ABCA4: variants seen among roughly 807,000 people sequenced by gnomAD.
ABCA4 encodes the protein ATP binding cassette subfamily A member 4.
Under a neutral mutation model 263.7 loss-of-function variants are expected in ABCA4, and 196 were observed. The ratio of observed to expected loss-of-function variants is 0.74; its 90% CI spans 0.66 to 0.84. The LOEUF (loss-of-function observed/expected upper bound fraction) is 0.84, where lower values mean the gene tolerates loss of function less well. ABCA4 is among the 40% of genes least tolerant of loss of function. The pLI, the probability that ABCA4 is intolerant of heterozygous loss-of-function variation, is 0.00. For synonymous variants in ABCA4, 1,133 were observed against 1,094.2 expected (o/e 1.04, Z -0.70); for missense variants, 2,792 against 2,855.1 (o/e 0.98, Z 0.50).
intron 42 of ABCA4, 35 bp downstream of exon 42, chr1:94,008,200 G>C: frequency 6.2e-7 from 1 of 1,604,792 alleles, no homozygotes; most frequent in Admixed American, 1.7e-5. Flanking sequence ...GCTGATGTTC[G>C]GAAGCCTTTC....
intron 11 of ABCA4, among the ~76,000 whole-genome samples, chr1:94,077,030 A>G (rs576609910): frequency 6.6e-6 from 1 of 152,354 alleles, no homozygotes; most frequent in East Asian, 1.9e-4. Context: ...CAAATTGGCA[A>G]TGATAATGGT....
At chr1:94,109,615 T>C (rs3827712) in intron 3 of ABCA4, among the ~76,000 whole-genome samples, 50,325 of 152,038 alleles carry the variant, frequency 0.33, 9,295 homozygotes, top group Admixed American at 0.43. Flanking sequence ...CAGGGGAGAC[T>C]GGTCCATGGA....
chr1:94,021,925 T>C lies in ABCA4; in HGVS notation c.4694A>G (p.Lys1565Arg), dbSNP rs1221076968. The C allele has an allele frequency of 1.9e-6, 3 of 1,614,026 alleles. No individual in the cohort carries two copies. The highest frequency in any genetic ancestry group is 2.5e-6 in the Non-Finnish European group (3 of 1,180,032). ...CCCCGTGATGGGGACGACTGGGAGC[T>C]TTCCTCCAATGGAAATTCCTCCATA... ...QRYGGISIGG[K>R]LPVVPITGEA... The change falls in exon 33 of 50, where the codon AAG becomes AGG. Residue 1565 changes from lysine to arginine, a missense_variant. Transcript: ENST00000370225.
At chr1:94,025,445 C>G (rs1350142848) in intron 30 of ABCA4, 1 of 336,226 alleles carries the variant, frequency 3.0e-6, no homozygotes, top group Non-Finnish European at 5.7e-6. Context: ...AATGTAAACC[C>G]GAGCACCTCA....
intron 7 of ABCA4, among the ~76,000 whole-genome samples, chr1:94,082,539 C>T (rs955772122): frequency 1.1e-5 from 1 of 88,960 alleles, no homozygotes; most frequent in Non-Finnish European, 3.1e-5. Flanking sequence ...CTAACTTTCC[C>T]ACATCAGTGT....
chr1:94,010,647 CT>C lies in ABCA4; in HGVS notation c.5714+152del, dbSNP rs112614086. 255,767 of 1,109,484 alleles carry C rather than the reference CT, an allele frequency of 0.23. 30,732 individuals are homozygous for C. The highest frequency in any genetic ancestry group is 0.25 in the African/African-American group (16,249 of 64,758). 68.7% of individuals were successfully genotyped at this position (1,109,484 alleles called of 1,614,324 possible). On this transcript the variant is annotated intron_variant, in intron 40 of 49. Transcript: ENST00000370225. ...AATGTGCCTATTTTAACCCGATCCT[CT>C]ACTTGTATTATTGGAGAAAAGCCAG... is the stretch of plus-strand genomic sequence containing the variant.
At chr1:94,096,790 G>A (rs528899302) in intron 6 of ABCA4, among the ~76,000 whole-genome samples, 1 of 152,312 alleles carries the variant, frequency 6.6e-6, no homozygotes, top group East Asian at 1.9e-4. Context: ...CTATACTGGT[G>A]GCCAAGGTGC....
chr1:94,077,609 C>T (rs1661569889), intron 11 of ABCA4, 81 bp downstream of exon 11: 4 of 1,334,678 alleles, frequency 3.0e-6, no homozygotes, highest in South Asian at 1.4e-5. Context: ...AATTCAAGAC[C>T]ACTTGACTTG....
rs779465743 is a variant in ABCA4 at position 93,997,942 on chromosome 1, C to T, written c.6648G>A (p.Ala2216=). ...LQFQVSSSSL[A]RIFQLLLSHK... Reference sequence around the variant, plus strand: ...GGGAGAGGAGGAGCTGGAAGATCCTCGCCAGGGAGGAGGAGGAGACCTGGA... The same window carrying T: ...GGGAGAGGAGGAGCTGGAAGATCCTTGCCAGGGAGGAGGAGGAGACCTGGA... Residue 2216 remains alanine, a synonymous_variant, in exon 48 of 50, where the codon GCG becomes GCA. Transcript: ENST00000370225. 11 of 1,614,012 alleles carry T rather than the reference C, an allele frequency of 6.8e-6. No homozygotes were observed. The Admixed American group carries it at 1.0e-4, about 15-fold the overall frequency.
intron 27 of ABCA4, 121 bp downstream of exon 27, chr1:94,031,657 G>T: frequency 7.4e-7 from 1 of 1,342,510 alleles, no homozygotes; most frequent in African/African-American, 1.5e-5. Context: ...AAAACCAGCA[G>T]AATCTAAAGA....
intron 5 of ABCA4, among the ~76,000 whole-genome samples, chr1:94,101,315 C>CT (rs1465108109): frequency 6.6e-6 from 1 of 151,402 alleles, no homozygotes; most frequent in Non-Finnish European, 1.5e-5. Context: ...AATGAGCAAT[C>CT]GGTGCCGACA....
rs4147888 is a variant in ABCA4 at position 94,063,937 on chromosome 1, G to GA, written c.1555-621dup. Among the ~76,000 whole-genome samples the GA allele has an allele frequency of 5.6e-4, 82 of 147,730 alleles. 1 individual carries two copies. Among genetic ancestry groups the GA allele is most frequent in the Admixed American group, 1.3e-3 (20 of 14,900 alleles). ...TGCCTCTTTTCTTCTCCTGGAAGAG[G>GA]AAAAAAAAAAACCATTACCCACAAA... is the stretch of plus-strand genomic sequence containing the variant. On this transcript the variant is annotated intron_variant, in intron 11 of 49. Coordinates refer to ENST00000370225, the MANE Select transcript of ABCA4 (RefSeq NM_000350.3).
intron 35 of ABCA4, 43 bp downstream of exon 35, chr1:94,021,194 GAGA>G (rs1347413431): frequency 6.2e-7 from 1 of 1,612,570 alleles, no homozygotes; most frequent in African/African-American, 1.3e-5. Context: ...TCAAAGAGTG[GAGA>G]AGGTGACAAG....
intron 11 of ABCA4, among the ~76,000 whole-genome samples, chr1:94,076,552 A>G (rs1364524710): frequency 6.8e-6 from 1 of 146,876 alleles, no homozygotes; most frequent in African/African-American, 2.4e-5. Context: ...TAGAATCCCA[A>G]GAGGTCATGG....
At chr1:94,082,333 A>G (rs4147828) in intron 7 of ABCA4, among the ~76,000 whole-genome samples, 24,835 of 152,218 alleles carry the variant, frequency 0.16, 2,553 homozygotes, top group East Asian at 0.38. Flanking sequence ...TAGACTTGCT[A>G]TCTAGACAGT....
chr1:94,056,069 G>A lies in ABCA4; in HGVS notation c.2382+532C>T, dbSNP rs147569553. Among the ~76,000 whole-genome samples, 539 of 152,310 alleles carry A rather than the reference G, an allele frequency of 3.5e-3. 4 individuals carry two copies. Among genetic ancestry groups the A allele is most frequent in the African/African-American group, 0.012 (513 of 41,556 alleles). On this transcript the variant is annotated intron_variant, in intron 15 of 49. Coordinates refer to ENST00000370225, the MANE Select transcript of ABCA4 (RefSeq NM_000350.3). ...TCTCAGGCCATCAGAAGTCAGCTTCGGGAGTCCTCTCCTGGCCAGCGAGCC... is the reference window on the plus strand; with the variant it reads ...TCTCAGGCCATCAGAAGTCAGCTTCAGGAGTCCTCTCCTGGCCAGCGAGCC...
intron 6 of ABCA4, among the ~76,000 whole-genome samples, chr1:94,094,213 A>G (rs762330694): frequency 6.6e-6 from 1 of 152,174 alleles, no homozygotes; most frequent in Non-Finnish European, 1.5e-5. Context: ...ACAATCTGCA[A>G]CCAATGACCC....
In ABCA4 at chr1:94,000,894, C is replaced by G; in HGVS notation, c.6421G>C (p.Ala2141Pro). Reference sequence around the variant, plus strand: ...CGAAAGGCGCCCTTTACCATGATGGCCAGCCGGGTACACAGTGCCTCACAT... The same window carrying G: ...CGAAAGGCGCCCTTTACCATGATGGGCAGCCGGGTACACAGTGCCTCACAT... ...EECEALCTRL[A>P]IMVKGAFRCM... The change falls in exon 47 of 50, where the codon GCC (alanine) becomes CCC (proline). Residue 2141 changes from alanine (A) to proline (P), a missense_variant. Transcript: ENST00000370225. 1 of 1,614,190 alleles carries G rather than the reference C, an allele frequency of 6.2e-7. No homozygotes were observed. The highest frequency in any genetic ancestry group is 8.5e-7 in the Non-Finnish European group (1 of 1,180,036).
intron 7 of ABCA4, among the ~76,000 whole-genome samples, chr1:94,081,236 A>G (rs1396323300): frequency 6.6e-6 from 1 of 152,020 alleles, no homozygotes; most frequent in Non-Finnish European, 1.5e-5. Flanking sequence ...AAACAACAAC[A>G]ACAACAACAA....
Sources: allele counts gnomAD v4.1 joint callset (sites outside exome capture counted in the v4.1 genomes callset), GRCh38; gene constraint gnomAD v4.1.1; transcripts MANE v1.5; gene names NCBI Gene and HGNC (gene_info 2026-07-23, HGNC 2026-07-21).